Variants in ADAM12 observed in about 807,000 individuals in gnomAD.
The protein encoded by ADAM12 is ADAM metallopeptidase domain 12, also known as disintegrin and metalloproteinase domain-containing protein 12.
ADAM12 carries 70 observed loss-of-function variants against 106.4 expected under a neutral mutation model. The ratio of observed to expected loss-of-function variants is 0.66; its 90% CI spans 0.54 to 0.80. The LOEUF (loss-of-function observed/expected upper bound fraction) is 0.80. Ranked by LOEUF, ADAM12 falls within the 30% of genes least tolerant of loss-of-function variation. The pLI is 0.00. For synonymous variants in ADAM12, 420 were observed against 433.5 expected, an observed-to-expected ratio of 0.97 and a Z score of 0.39; for missense variants, 1,010 against 1,171.9, an observed-to-expected ratio of 0.86 and a Z score of 2.02.
intron 4 of ADAM12, among the ~76,000 whole-genome samples, chr10:126,151,918 T>C (rs1214249413): frequency 6.6e-6 from 1 of 151,870 alleles, no homozygotes; most frequent in African/African-American, 2.4e-5. Context: ...TACTTGGGAA[T>C]TCTTTCTTTC....
intron 12 of ADAM12, among the ~76,000 whole-genome samples, chr10:126,069,567 A>T (rs941817454): frequency 2.6e-5 from 4 of 152,244 alleles, no homozygotes; most frequent in Non-Finnish European, 4.4e-5. Context: ...TGGAGAAAAG[A>T]GGGAGGATCA....
At chr10:126,195,605 C>A (rs1450995220) in intron 3 of ADAM12, among the ~76,000 whole-genome samples, 2 of 151,974 alleles carry the variant, frequency 1.3e-5, no homozygotes, top group African/African-American at 4.8e-5. Context: ...AAAACAAAAA[C>A]CAACATACGT....
At chr10:126,184,750 C>T (rs965051115) in intron 3 of ADAM12, among the ~76,000 whole-genome samples, 1 of 152,092 alleles carries the variant, frequency 6.6e-6, no homozygotes, top group African/African-American at 2.4e-5. Context: ...AAAAATGAAC[C>T]CCAGCACACA....
intron 11 of ADAM12, among the ~76,000 whole-genome samples, chr10:126,074,653 G>A (rs60181937): frequency 0.016 from 2,414 of 152,274 alleles, 71 homozygotes; most frequent in African/African-American, 0.053. Flanking sequence ...CAACTCCCAA[G>A]TGTTAACAAA....
At chr10:126,387,559 C>A (rs1000350145) in intron 1 of ADAM12, among the ~76,000 whole-genome samples, 14 of 152,096 alleles carry the variant, frequency 9.2e-5, no homozygotes, top group Non-Finnish European at 1.5e-5. Flanking sequence ...AGCAGGCACA[C>A]CTGCGGAGGA....
At chr10:126,283,827 A>T (rs1413535323) in intron 2 of ADAM12, among the ~76,000 whole-genome samples, 1 of 152,170 alleles carries the variant, frequency 6.6e-6, no homozygotes, top group Non-Finnish European at 1.5e-5. Flanking sequence ...AAAATCCTTC[A>T]TGGTTTAAAG....
At chr10:126,035,947 A>G (rs11599106) in intron 21 of ADAM12, among the ~76,000 whole-genome samples, 199 bp downstream of exon 21, 39,048 of 152,012 alleles carry the variant, frequency 0.26, 5,374 homozygotes, top group East Asian at 0.43. Flanking sequence ...ATTAAAATAT[A>G]TGACACTCTT....
chr10:126,153,233 C>T (rs17154341), intron 4 of ADAM12, among the ~76,000 whole-genome samples: 3 of 152,154 alleles, frequency 2.0e-5, no homozygotes, highest in Non-Finnish European at 4.4e-5. Flanking sequence ...CCTTAGCTCT[C>T]AAGTTTTAAT....
At chr10:126,259,201 C>T (rs186888893) in intron 3 of ADAM12, among the ~76,000 whole-genome samples, 25 of 152,156 alleles carry the variant, frequency 1.6e-4, no homozygotes, top group African/African-American at 5.3e-4. Context: ...TAAATTCACA[C>T]GGCAGAGTGC....
chr10:126,279,266 T>TA (rs1028856574), intron 2 of ADAM12, among the ~76,000 whole-genome samples: 1 of 142,730 alleles, frequency 7.0e-6, no homozygotes, highest in African/African-American at 3.0e-5. Flanking sequence ...AAAGTAAAAA[T>TA]AAAAAAAATC....
At chr10:126,071,321 C>T (rs1319105481) in intron 12 of ADAM12, among the ~76,000 whole-genome samples, 156 bp downstream of exon 12, 2 of 152,142 alleles carry the variant, frequency 1.3e-5, no homozygotes, top group Non-Finnish European at 2.9e-5. Context: ...GAAAGCCACC[C>T]TAGCTCACGG....
chr10:126,219,148 G>A (rs2133849514), intron 3 of ADAM12, among the ~76,000 whole-genome samples: 1 of 152,300 alleles, frequency 6.6e-6, no homozygotes. Flanking sequence ...AGGCTATTTG[G>A]GGTTTGCTCT....
chr10:126,120,926 T>TATATATTATATATTACATATGTAATATA (rs1370169765), intron 5 of ADAM12, among the ~76,000 whole-genome samples: 2 of 50,962 alleles, frequency 3.9e-5, no homozygotes, highest in African/African-American at 6.3e-5. Flanking sequence ...GCAATATAAT[T>TATATATTATATATTACATATGTAATATA]ATATATTATA....
Position 126,078,604 on chromosome 10 carries a change from A to C in ADAM12, c.1146-6950T>G, listed in dbSNP as rs533083716. 6.6e-5 allele frequency among the ~76,000 whole-genome samples: 10 copies of C among 152,328 alleles called. No homozygotes were observed. In the South Asian group the frequency reaches 2.1e-3, roughly 32 times the overall value. On this transcript the variant is annotated intron_variant, in intron 11 of 22. Transcript: ENST00000448723. ...TATAAATTCCCAAGACTAGTAATTGAGTTAAAATATATAATTTTTTTGGCA... is the reference window on the plus strand; with the variant it reads ...TATAAATTCCCAAGACTAGTAATTGCGTTAAAATATATAATTTTTTTGGCA...
At chr10:126,081,589 G>T (rs183852487) in intron 11 of ADAM12, among the ~76,000 whole-genome samples, 1 of 152,160 alleles carries the variant, frequency 6.6e-6, no homozygotes, top group African/African-American at 2.4e-5. Flanking sequence ...CTTTACCTGG[G>T]CGTGTGGTGA....
intron 3 of ADAM12, among the ~76,000 whole-genome samples, chr10:126,217,769 C>T (rs539096230): frequency 1.1e-4 from 16 of 150,766 alleles, no homozygotes; most frequent in Middle Eastern, 3.5e-3. Context: ...GTCAGGAGTT[C>T]GAGACCAGCC....
At chr10:126,197,459 CTG>C (rs1054897951) in intron 3 of ADAM12, among the ~76,000 whole-genome samples, 1 of 152,222 alleles carries the variant, frequency 6.6e-6, no homozygotes, top group African/African-American at 2.4e-5. Flanking sequence ...CACAGCAAGA[CTG>C]TGAGTGACCC....
intron 3 of ADAM12, among the ~76,000 whole-genome samples, chr10:126,191,804 A>G (rs1174131494): frequency 6.6e-6 from 1 of 152,226 alleles, no homozygotes; most frequent in Non-Finnish European, 1.5e-5. Flanking sequence ...TCACACTGCT[A>G]TAAAGAAATG....
chr10:126,292,815 G>A (rs1392966762), intron 2 of ADAM12, among the ~76,000 whole-genome samples: 3 of 152,046 alleles, frequency 2.0e-5, no homozygotes, highest in Non-Finnish European at 2.9e-5. Context: ...TATGTGTTAC[G>A]AAATATTCTT....
Sources: gnomAD v4.1 joint callset for allele counts (sites outside exome capture counted in the v4.1 genomes callset) on GRCh38, gnomAD v4.1.1 for gene constraint, MANE v1.5 for transcripts, NCBI Gene and HGNC (gene_info 2026-07-23, HGNC 2026-07-21) for gene names.